The following DICER1 variants were observed in gnomAD, a reference collection of about 807,000 sequenced individuals.
The protein encoded by DICER1 is endoribonuclease Dicer.
DICER1 carries 43 observed loss-of-function variants against 194.1 expected under a neutral mutation model. That is an observed-to-expected ratio of 0.22 (90% CI 0.17 to 0.29). The LOEUF (loss-of-function observed/expected upper bound fraction) is 0.29. Ranked by LOEUF, DICER1 falls within the 10% of genes least tolerant of loss-of-function variation. The pLI, the probability that DICER1 is intolerant of heterozygous loss-of-function variation, is 1.00. For missense variants in DICER1, 1,608 were observed against 2,317.0 expected, an observed-to-expected ratio of 0.69 and a Z score of 6.28; for synonymous variants, 832 against 820.5, an observed-to-expected ratio of 1.01 and a Z score of -0.24.
rs1060504989 is a variant in DICER1, at chr14:95,096,183, A to G, written c.4737T>C (p.Ala1579=). The G allele has an allele frequency of 6.2e-7, 1 of 1,614,242 alleles. No homozygotes were observed. The highest frequency in any genetic ancestry group is 8.5e-7 in the Non-Finnish European group (1 of 1,180,032). ...GCCCCAGTGAACAGAGGAAAAGCTG[A>G]GCAGCCCTCTCCCCACAGCTGGTTA... ...CYLTSCGERA[A]QLFLCSLGLK... Residue 1579 remains alanine (A), a synonymous_variant, in exon 23 of 27, where the codon GCT becomes GCC. Coordinates refer to ENST00000343455, the MANE Select transcript of DICER1 (RefSeq NM_177438.3).
At chr14:95,144,280 T>A (rs1362645599) in intron 1 of DICER1, among the ~76,000 whole-genome samples, 1 of 152,134 alleles carries the variant, frequency 6.6e-6, no homozygotes, top group Admixed American at 6.5e-5. Context: ...AGGCACTGAG[T>A]AAGGCAACTG....
intron 4 of DICER1, 59 bp downstream of exon 4, chr14:95,131,450 A>G: frequency 1.3e-6 from 2 of 1,543,794 alleles, no homozygotes; most frequent in Non-Finnish European, 1.8e-6. Context: ...AGATCATCTT[A>G]CAAACCAAGT....
intron 1 of DICER1, among the ~76,000 whole-genome samples, chr14:95,151,835 G>A (rs1895532994): frequency 6.6e-6 from 1 of 152,182 alleles, no homozygotes; most frequent in African/African-American, 2.4e-5. Flanking sequence ...ACCAAAAGAG[G>A]AAAGACAGAA....
In DICER1 at chr14:95,105,841, T is replaced by C. The variant is rs1891370671; in HGVS notation, c.2988-58A>G. ...CACAAAAATGAGTACATATTCACAG[T>C]GGTTCTCCAAAAACCACCTGAAGAG... On this transcript the variant is annotated intron_variant, in intron 18 of 26. Transcript: ENST00000343455. The surrounding 1 kb of genome is among the most constrained non-coding windows in gnomAD (Gnocchi z 4.9). The C allele has an allele frequency of 3.9e-6, 6 of 1,522,136 alleles. No homozygotes were observed. Among genetic ancestry groups the C allele is most frequent in the Admixed American group, 3.4e-5 (2 of 59,488 alleles). 94.3% of individuals were successfully genotyped at this position (1,522,136 alleles called of 1,614,324 possible).
chr14:95,152,474 A>G (rs1895579045), intron 1 of DICER1, among the ~76,000 whole-genome samples: 1 of 152,226 alleles, frequency 6.6e-6, no homozygotes, highest in African/African-American at 2.4e-5. Flanking sequence ...TATGTCAAGC[A>G]CCATGTCTGG....
intron 14 of DICER1, 126 bp from the exon 15 acceptor site, chr14:95,108,629 C>A: frequency 1.2e-6 from 1 of 867,856 alleles, no homozygotes; most frequent in Non-Finnish European, 1.9e-6. Flanking sequence ...AGAAAATACC[C>A]GAGGCATGAC....
Position 95,105,594 on chromosome 14 carries a change from G to T in DICER1, c.3093+84C>A. The T allele has an allele frequency of 9.5e-7, 1 of 1,056,574 alleles. No individual in the cohort carries two copies. The highest frequency in any genetic ancestry group is 1.4e-6 in the Non-Finnish European group (1 of 692,082). 65.4% of individuals were successfully genotyped at this position (1,056,574 alleles called of 1,614,324 possible). On this transcript the variant is annotated intron_variant, in intron 19 of 26. Coordinates refer to ENST00000343455, the MANE Select transcript of DICER1 (RefSeq NM_177438.3). This position sits in a 1 kb window ranked among gnomAD's most constrained non-coding sequence, Gnocchi z 4.9. The stretch of plus-strand genomic sequence containing the variant: ...AATTAACGAATCATGCATTTAACTT[G>T]GTAAGATAAAATTCAAACTTATCTT...
intron 1 of DICER1, chr14:95,141,832 C>T (rs752589037): frequency 5.2e-4 from 79 of 152,178 alleles, no homozygotes; most frequent in African/African-American, 1.9e-3. Flanking sequence ...TTTTAAGATC[C>T]CTCATAAAAT....
chr14:95,152,656 G>T (rs572956524), intron 1 of DICER1, among the ~76,000 whole-genome samples: 58 of 152,308 alleles, frequency 3.8e-4, no homozygotes, highest in Middle Eastern at 3.4e-3. Flanking sequence ...CTCAGAGAAT[G>T]TTTTGTAGCA....
In DICER1 at chr14:95,105,829, A is replaced by C. The variant is rs1566772655; in HGVS notation, c.2988-46T>G. On this transcript the variant is annotated intron_variant, in intron 18 of 26. Coordinates refer to ENST00000343455, the MANE Select transcript of DICER1 (RefSeq NM_177438.3). This position sits in a 1 kb window ranked among gnomAD's most constrained non-coding sequence, Gnocchi z 4.9. ...TTTTATCAAACACACAAAAATGAGT[A>C]CATATTCACAGTGGTTCTCCAAAAA... 1 of 1,542,156 alleles carries C rather than the reference A, an allele frequency of 6.5e-7. No individual in the cohort carries two copies. Among genetic ancestry groups the C allele is most frequent in the South Asian group, 1.1e-5 (1 of 89,468 alleles).
intron 22 of DICER1, among the ~76,000 whole-genome samples, chr14:95,099,334 T>A (rs989821845): frequency 6.6e-6 from 1 of 152,166 alleles, no homozygotes; most frequent in Non-Finnish European, 1.5e-5. Flanking sequence ...GAGTCCTGAC[T>A]GGGAAAACCC....
At position 95,122,934 on chromosome 14, in the gene DICER1, ACG is replaced by A. The variant is rs776119598; in HGVS notation, c.1376+1260_1376+1261del. ...GTTAAGCGCGTGTGCGCGTGCGTGTACGCGCGCGCGCGCGCACACACACACAA... is the reference window on the plus strand; with the variant it reads ...GTTAAGCGCGTGTGCGCGTGCGTGTACGCGCGCGCGCGCACACACACACAA... On this transcript the variant is annotated intron_variant, in intron 8 of 26. Transcript: ENST00000343455. 2.1e-4 allele frequency among the ~76,000 whole-genome samples: 31 copies of A among 146,564 alleles called. No individual in the cohort carries two copies. In the South Asian group the frequency reaches 3.4e-3, roughly 16 times the overall value.
Position 95,124,512 on chromosome 14 carries a change from T to G in DICER1, c.1060A>C (p.Lys354Gln), listed in dbSNP as rs1893229342. ...TGCTCTTCACATAGTGCATGTATTT[T>G]CCTTAGGAAAGTGTCTGTAAACAAT... is the stretch of plus-strand genomic sequence containing the variant. ...FLLFTDTFLR[K>Q]IHALCEEHFS... Residue 354 changes from lysine (K) to glutamine (Q), a missense_variant, in exon 8 of 27, where the codon AAA becomes CAA. Lys to Gln is a moderately conservative substitution (Grantham distance 53). Coordinates refer to ENST00000343455, the MANE Select transcript of DICER1 (RefSeq NM_177438.3). The surrounding 1 kb of genome is among the most constrained non-coding windows in gnomAD (Gnocchi z 4.5). 1.2e-6 allele frequency: 2 copies of G among 1,614,124 alleles called. No homozygotes were observed.
At chr14:95,097,063 A>T (rs1276658708) in intron 22 of DICER1, among the ~76,000 whole-genome samples, 3 of 152,218 alleles carry the variant, frequency 2.0e-5, no homozygotes, top group Non-Finnish European at 2.9e-5. Flanking sequence ...ACACACAATG[A>T]AAGCACTCAT....
In DICER1 at chr14:95,132,570, CTGAT is replaced by C; in HGVS notation, c.248_251del (p.Tyr83Ter). 1.2e-6 allele frequency: 2 copies of C among 1,613,960 alleles called. No homozygotes were observed. Among genetic ancestry groups the C allele is most frequent in the Non-Finnish European group, 1.7e-6 (2 of 1,179,932 alleles). On this transcript the variant is annotated frameshift_variant, in exon 3 of 27. Transcript: ENST00000343455. LOFTEE classifies it high-confidence loss of function. The stretch of plus-strand genomic sequence containing the variant: ...CATTTCTGCTGAAGTCTCCCCTGAT[CTGAT>C]AGGACAGCTCTTTAGTGAGTAGTAC...
Position 95,137,493 on chromosome 14 carries a change from GAAGGGAAAGGGGAAGGGGAAGGAA to G in DICER1, c.-45-4014_-45-3991del, listed in dbSNP as rs1485044587. ...GGACAGGAATGGGGATAGGGAAGGG[GAAGGGAAAGGGGAAGGGGAAGGAA>G]AAGGGAAAGGGGAAAGGGAAAGAAA... On this transcript the variant is annotated intron_variant, in intron 1 of 26. Coordinates refer to ENST00000343455, the MANE Select transcript of DICER1 (RefSeq NM_177438.3). 1.5e-4 allele frequency among the ~76,000 whole-genome samples: 17 copies of G among 115,440 alleles called. No individual in the cohort carries two copies. In the South Asian group the frequency reaches 5.4e-3, roughly 37 times the overall value. The allele number at this position is 115,440 out of a possible 152,430, so 75.7% of individuals were successfully genotyped here.
chr14:95,114,832 G>A (rs1365490235), intron 11 of DICER1, among the ~76,000 whole-genome samples: 1 of 152,096 alleles, frequency 6.6e-6, no homozygotes, highest in East Asian at 1.9e-4. Flanking sequence ...TGTAACCTGG[G>A]TCTCATCATA....
intron 12 of DICER1, 25 bp from the exon 13 acceptor site, chr14:95,112,272 T>A: frequency 6.3e-7 from 1 of 1,595,158 alleles, no homozygotes; most frequent in Non-Finnish European, 8.6e-7. Flanking sequence ...AACCTTTCCA[T>A]TATATATGCA....
chr14:95,150,439 T>A (rs1451630758), intron 1 of DICER1, among the ~76,000 whole-genome samples: 10 of 152,112 alleles, frequency 6.6e-5, no homozygotes, highest in African/African-American at 2.4e-4. Flanking sequence ...TAAGCTAAGA[T>A]CACGCCACTG....
Sources: allele counts gnomAD v4.1 joint callset (sites outside exome capture counted in the v4.1 genomes callset), GRCh38; gene constraint gnomAD v4.1.1; non-coding constraint Gnocchi (gnomAD v3.1); transcripts MANE v1.5; gene names NCBI Gene and HGNC (gene_info 2026-07-23, HGNC 2026-07-21).